Variants in ANKFN1 observed in about 807,000 individuals in gnomAD.
ANKFN1 encodes ankyrin repeat and fibronectin type-III domain-containing protein 1.
In ANKFN1, 74 loss-of-function variants were observed where a neutral mutation model predicts 108.7. The observed-to-expected ratio is 0.68, with a 90% CI of 0.56 to 0.83. ANKFN1 has a LOEUF of 0.83. ANKFN1 is among the 40% of genes least tolerant of loss of function. The pLI is 0.00. For missense variants in ANKFN1, 1,505 were observed against 1,382.3 expected (o/e 1.09, Z -1.41); for synonymous variants, 547 against 516.2 (o/e 1.06, Z -0.81).
At chr17:56,111,611 A>G (rs188152811) in intron 4 of ANKFN1, among the ~76,000 whole-genome samples, 30 of 152,268 alleles carry the variant, frequency 2.0e-4, no homozygotes, top group African/African-American at 6.5e-4. Context: ...AAAAACATAC[A>G]AACAAACCCC....
intron 4 of ANKFN1, among the ~76,000 whole-genome samples, chr17:56,105,322 C>T (rs933551836): frequency 2.6e-5 from 4 of 152,060 alleles, no homozygotes; most frequent in African/African-American, 9.7e-5. Flanking sequence ...AGGTGGAATG[C>T]AAAGAGTAAT....
At chr17:56,454,494 G>T (rs922749641) in intron 11 of ANKFN1, among the ~76,000 whole-genome samples, 33 of 152,114 alleles carry the variant, frequency 2.2e-4, no homozygotes, top group African/African-American at 8.0e-4. Context: ...TTTCTCAACT[G>T]CCTGTTGATC....
At chr17:56,492,541 G>T (rs918039713) in intron 19 of ANKFN1, among the ~76,000 whole-genome samples, 188 bp downstream of exon 19, 1 of 152,084 alleles carries the variant, frequency 6.6e-6, no homozygotes, top group African/African-American at 2.4e-5. Context: ...TTAAGAAAAA[G>T]TTACAGATAA....
chr17:56,115,073 G>T (rs1396170560), intron 4 of ANKFN1, among the ~76,000 whole-genome samples: 2 of 152,188 alleles, frequency 1.3e-5, no homozygotes, highest in African/African-American at 4.8e-5. Context: ...AATAGGTTTT[G>T]TATTGTTTTA....
chr17:56,280,096 G>A (rs1011977970), intron 3 of ANKFN1, among the ~76,000 whole-genome samples: 4 of 147,988 alleles, frequency 2.7e-5, no homozygotes, highest in Admixed American at 1.4e-4. Flanking sequence ...TGCAACCTCC[G>A]CCTCCCAGGT....
At chr17:56,492,831 A>T (rs2051084757) in intron 19 of ANKFN1, among the ~76,000 whole-genome samples, 1 of 152,204 alleles carries the variant, frequency 6.6e-6, no homozygotes, top group Non-Finnish European at 1.5e-5. Context: ...ACACTTTAAT[A>T]TGTGGCTGTT....
intron 16 of ANKFN1, among the ~76,000 whole-genome samples, chr17:56,477,874 C>T (rs2050560810): frequency 6.6e-6 from 1 of 152,060 alleles, no homozygotes; most frequent in Non-Finnish European, 1.5e-5. Context: ...GTTACCCAGG[C>T]TGGAGTACAA....
intron 4 of ANKFN1, among the ~76,000 whole-genome samples, chr17:56,070,465 G>A (rs925793372): frequency 6.6e-6 from 1 of 152,064 alleles, no homozygotes; most frequent in Non-Finnish European, 1.5e-5. Flanking sequence ...ATTGGATTTA[G>A]GGCCCATCCT....
chr17:56,441,234 T>C (rs1043603042), intron 9 of ANKFN1, among the ~76,000 whole-genome samples: 15 of 152,178 alleles, frequency 9.9e-5, no homozygotes, highest in African/African-American at 3.6e-4. Flanking sequence ...ATATTTAATA[T>C]CTTAGGACCT....
At chr17:56,386,362 C>G (rs141069369) in intron 8 of ANKFN1, among the ~76,000 whole-genome samples, 1 of 151,808 alleles carries the variant, frequency 6.6e-6, no homozygotes, top group Non-Finnish European at 1.5e-5. Flanking sequence ...AGGAGATATA[C>G]GTAATGCTAA....
chr17:56,336,176 C>T (rs1205861817), intron 4 of ANKFN1, among the ~76,000 whole-genome samples: 3 of 152,016 alleles, frequency 2.0e-5, no homozygotes, highest in Non-Finnish European at 4.4e-5. Context: ...CTAAAATTCT[C>T]TTTTTTTGTT....
intron 8 of ANKFN1, among the ~76,000 whole-genome samples, chr17:56,421,530 T>G (rs1299176361): frequency 6.6e-6 from 1 of 152,216 alleles, no homozygotes; most frequent in Non-Finnish European, 1.5e-5. Flanking sequence ...ACTCTCCCTT[T>G]AAGAAACTTG....
intron 1 of ANKFN1, among the ~76,000 whole-genome samples, chr17:56,164,916 T>C (rs1910009432): frequency 6.6e-6 from 1 of 152,210 alleles, no homozygotes; most frequent in South Asian, 2.1e-4. Context: ...AAAATGCTCA[T>C]TGTTATGGTG....
intron 3 of ANKFN1, among the ~76,000 whole-genome samples, chr17:56,279,192 T>C (rs145565916): frequency 1.2e-3 from 180 of 152,332 alleles, no homozygotes; most frequent in African/African-American, 4.2e-3. Flanking sequence ...CAAATTCTAA[T>C]ATACCCAATA....
At chr17:56,501,107 A>G (rs2051353593) in intron 20 of ANKFN1, among the ~76,000 whole-genome samples, 1 of 152,204 alleles carries the variant, frequency 6.6e-6, no homozygotes, top group Non-Finnish European at 1.5e-5. Context: ...AATATTCCAG[A>G]CAATAAAACA....
chr17:56,075,143 A>AT (rs1298844576), intron 4 of ANKFN1, among the ~76,000 whole-genome samples: 1 of 152,156 alleles, frequency 6.6e-6, no homozygotes, highest in Non-Finnish European at 1.5e-5. Context: ...GAGAGTCCAA[A>AT]TTATCAGGAA....
chr17:56,207,835 T>G (rs1914659076), intron 1 of ANKFN1, among the ~76,000 whole-genome samples: 1 of 152,158 alleles, frequency 6.6e-6, no homozygotes. Context: ...TAGATCCTCC[T>G]TAATAATAGA....
chr17:56,383,981 G>A (rs1226278403), intron 8 of ANKFN1, among the ~76,000 whole-genome samples: 1 of 152,140 alleles, frequency 6.6e-6, no homozygotes, highest in African/African-American at 2.4e-5. Flanking sequence ...CATTTTATGA[G>A]GCCAGCATCA....
rs2051916801 is a variant in ANKFN1, at chr17:56,516,347, C to T, written c.*5078C>T. ...TAATTTAAGTGACATTCTCATTTGG[C>T]AGTATTTAATTGCTTCCTTCCTAAT... is the stretch of plus-strand genomic sequence containing the variant. On this transcript the variant is annotated 3_prime_UTR_variant, in exon 21 of 21. Transcript: ENST00000682825. Among the ~76,000 whole-genome samples, 2 of 151,958 alleles carry T rather than the reference C, an allele frequency of 1.3e-5. No homozygotes were observed. Among genetic ancestry groups the T allele is most frequent in the South Asian group, 4.2e-4 (2 of 4,814 alleles).
Sources: allele counts gnomAD v4.1 joint callset (sites outside exome capture counted in the v4.1 genomes callset), GRCh38; gene constraint gnomAD v4.1.1; transcripts MANE v1.5; gene names NCBI Gene and HGNC (gene_info 2026-07-23, HGNC 2026-07-21).